SETBP1: variants seen among roughly 807,000 people sequenced by gnomAD.
SETBP1 encodes the protein SET-binding protein.
A neutral mutation model predicts 101.0 loss-of-function variants in SETBP1; 9 were observed. The observed-to-expected ratio is 0.09, with a 90% CI of 0.05 to 0.16. The LOEUF (loss-of-function observed/expected upper bound fraction) is 0.16. Among genes scored for constraint, SETBP1 ranks in the 10% least tolerant of loss-of-function variants. The pLI, the probability that SETBP1 is intolerant of heterozygous loss-of-function variation, is 1.00. For synonymous variants in SETBP1, 818 were observed against 788.5 expected, an observed-to-expected ratio of 1.04 and a Z score of -0.63; for missense variants, 1,858 against 2,033.8, an observed-to-expected ratio of 0.91 and a Z score of 1.66.
intron 2 of SETBP1, among the ~76,000 whole-genome samples, chr18:44,828,306 T>C (rs2072280971): frequency 6.6e-6 from 1 of 152,174 alleles, no homozygotes; most frequent in Non-Finnish European, 1.5e-5. Context: ...CCTTGTCACA[T>C]GGCAATGAAA....
At chr18:44,969,810 C>A (rs1244004161) in intron 4 of SETBP1, among the ~76,000 whole-genome samples, 1 of 152,172 alleles carries the variant, frequency 6.6e-6, no homozygotes, top group Non-Finnish European at 1.5e-5. Flanking sequence ...TCTTGCACTG[C>A]CTCCTCTTCT....
At chr18:44,888,142 A>T (rs2069690854) in intron 3 of SETBP1, among the ~76,000 whole-genome samples, 1 of 152,032 alleles carries the variant, frequency 6.6e-6, no homozygotes, top group Non-Finnish European at 1.5e-5. Flanking sequence ...CTCTGCCAGG[A>T]GGGGTGATCA....
intron 2 of SETBP1, among the ~76,000 whole-genome samples, chr18:44,841,254 T>G (rs1363256362): frequency 6.6e-6 from 1 of 152,074 alleles, no homozygotes; most frequent in Non-Finnish European, 1.5e-5. Context: ...CACTGGCAAA[T>G]TCCTCCCGGT....
chr18:44,711,974 T>C (rs2069357896), intron 2 of SETBP1, among the ~76,000 whole-genome samples: 2 of 152,218 alleles, frequency 1.3e-5, no homozygotes, highest in Non-Finnish European at 2.9e-5. Flanking sequence ...TCTCCCTGCC[T>C]GCCCCTTCTT....
intron 3 of SETBP1, among the ~76,000 whole-genome samples, chr18:44,931,882 A>G (rs1309199702): frequency 5.9e-5 from 9 of 151,816 alleles, no homozygotes; most frequent in South Asian, 4.2e-4. Context: ...ATGGGTCTTG[A>G]CTCTTTATCC....
intron 2 of SETBP1, among the ~76,000 whole-genome samples, chr18:44,830,824 C>T (rs1043851268): frequency 6.6e-6 from 1 of 152,148 alleles, no homozygotes; most frequent in East Asian, 1.9e-4. Context: ...GGTAGAAACC[C>T]TATACATTGA....
At chr18:44,922,234 C>A (rs1421209609) in intron 3 of SETBP1, among the ~76,000 whole-genome samples, 1 of 152,228 alleles carries the variant, frequency 6.6e-6, no homozygotes, top group South Asian at 2.1e-4. Flanking sequence ...TCATTTCTTT[C>A]TCACTGTGTA....
At chr18:44,785,556 G>A (rs566873145) in intron 2 of SETBP1, among the ~76,000 whole-genome samples, 1 of 152,284 alleles carries the variant, frequency 6.6e-6, no homozygotes, top group East Asian at 1.9e-4. Flanking sequence ...GGATACAAAT[G>A]TCTGAGTGCT....
At chr18:44,967,741 G>A (rs546133840) in intron 4 of SETBP1, among the ~76,000 whole-genome samples, 3 of 152,058 alleles carry the variant, frequency 2.0e-5, no homozygotes, top group African/African-American at 7.2e-5. Flanking sequence ...TTTCCATGTG[G>A]CCCGTCCAGC....
At chr18:44,711,434 TCCTC>T (rs2144269607) in intron 2 of SETBP1, among the ~76,000 whole-genome samples, 1 of 132,770 alleles carries the variant, frequency 7.5e-6, no homozygotes, top group African/African-American at 2.9e-5. Context: ...CTCCCTTCCT[TCCTC>T]CCTTCCTTCC....
intron 4 of SETBP1, among the ~76,000 whole-genome samples, chr18:45,036,271 T>G (rs1047007946): frequency 6.7e-6 from 1 of 150,224 alleles, no homozygotes; most frequent in Non-Finnish European, 1.5e-5. Context: ...AGGTGGAGGT[T>G]GCAGTAAGCC....
chr18:44,883,637 A>G (rs968889103), intron 3 of SETBP1, among the ~76,000 whole-genome samples: 1 of 152,242 alleles, frequency 6.6e-6, no homozygotes, highest in African/African-American at 2.4e-5. Context: ...CTTACAGGAT[A>G]TAAAACAATA....
chr18:44,847,191 C>T (rs1422511882), intron 2 of SETBP1, among the ~76,000 whole-genome samples: 1 of 152,194 alleles, frequency 6.6e-6, no homozygotes, highest in African/African-American at 2.4e-5. Context: ...GGCCAGTCTG[C>T]GTGCTCACCA....
intron 2 of SETBP1, among the ~76,000 whole-genome samples, chr18:44,804,070 C>T (rs1298415473): frequency 6.6e-6 from 1 of 152,086 alleles, no homozygotes; most frequent in Non-Finnish European, 1.5e-5. Flanking sequence ...GCCATCCATA[C>T]CTTTTGGCAA....
chr18:44,793,887 A>G (rs534700531), intron 2 of SETBP1, among the ~76,000 whole-genome samples: 4 of 152,294 alleles, frequency 2.6e-5, no homozygotes, highest in Admixed American at 6.5e-5. Flanking sequence ...TTGTGGGCCA[A>G]AGGATTGTGG....
chr18:44,974,660 C>T (rs950336041), intron 4 of SETBP1, among the ~76,000 whole-genome samples: 9 of 152,006 alleles, frequency 5.9e-5, no homozygotes, highest in South Asian at 2.1e-4. Context: ...CCAAACAAAC[C>T]GCAAATATAT....
intron 3 of SETBP1, among the ~76,000 whole-genome samples, chr18:44,948,193 G>T (rs1348226830): frequency 6.6e-6 from 1 of 152,102 alleles, no homozygotes; most frequent in East Asian, 1.9e-4. Context: ...AAATTAAATT[G>T]TTTTCTTAAT....
chr18:44,978,403 G>C (rs906269542), intron 4 of SETBP1, among the ~76,000 whole-genome samples: 7 of 152,116 alleles, frequency 4.6e-5, no homozygotes, highest in African/African-American at 1.7e-4. Context: ...ATGATATCTT[G>C]TAGTGATATT....
chr18:44,859,926 G>T (rs947189432), intron 2 of SETBP1, among the ~76,000 whole-genome samples: 6 of 152,178 alleles, frequency 3.9e-5, no homozygotes, highest in African/African-American at 4.8e-5. Flanking sequence ...TTGGCCGAGG[G>T]ACCCAGATTC....
Sources: gnomAD v4.1 joint callset for allele counts (sites outside exome capture counted in the v4.1 genomes callset) on GRCh38, gnomAD v4.1.1 for gene constraint, MANE v1.5 for transcripts, NCBI Gene and HGNC (gene_info 2026-07-23, HGNC 2026-07-21) for gene names.